Variants in ATG10 observed in about 807,000 individuals in gnomAD.
ATG10 encodes the protein ubiquitin-like-conjugating enzyme ATG10.
ATG10 carries 30 observed loss-of-function variants against 32.1 expected under a neutral mutation model. The observed-to-expected ratio is 0.94, with a 90% confidence interval of 0.70 to 1.27. The LOEUF (loss-of-function observed/expected upper bound fraction) is 1.27. ATG10 is among the 50% of genes most tolerant of loss of function. The pLI, the probability that ATG10 is intolerant of heterozygous loss-of-function variation, is 0.00. For synonymous variants in ATG10, 87 were observed against 91.5 expected, an observed-to-expected ratio of 0.95 and a Z score of 0.28; for missense variants, 233 against 262.3, an observed-to-expected ratio of 0.89 and a Z score of 0.77.
intron 2 of ATG10, among the ~76,000 whole-genome samples, chr5:82,018,515 C>T (rs1026739627): frequency 6.6e-6 from 1 of 152,168 alleles, no homozygotes; most frequent in Non-Finnish European, 1.5e-5. Flanking sequence ...TTACAATACA[C>T]CATAAACTGT....
chr5:82,252,224 C>T (rs956973092), intron 5 of ATG10, among the ~76,000 whole-genome samples: 2 of 152,092 alleles, frequency 1.3e-5, no homozygotes, highest in African/African-American at 4.8e-5. Flanking sequence ...TGTGAACATC[C>T]TTGAAGAAAA....
intron 1 of ATG10, among the ~76,000 whole-genome samples, chr5:81,980,707 T>C (rs1761015243): frequency 6.6e-6 from 1 of 152,050 alleles, no homozygotes; most frequent in African/African-American, 2.4e-5. Flanking sequence ...TGAGAGCTCA[T>C]TCTGTTCCTG....
intron 3 of ATG10, among the ~76,000 whole-genome samples, chr5:82,113,511 T>C (rs1027900701): frequency 6.6e-6 from 1 of 152,008 alleles, no homozygotes; most frequent in Non-Finnish European, 1.5e-5. Flanking sequence ...ATTTATGTGA[T>C]GCAGTTCACA....
intron 2 of ATG10, among the ~76,000 whole-genome samples, chr5:82,026,110 A>G (rs899573371): frequency 2.6e-5 from 4 of 152,196 alleles, no homozygotes; most frequent in African/African-American, 9.6e-5. Context: ...TTCCCCACTG[A>G]AACTTTGTAC....
At chr5:82,063,445 AG>A (rs1469202195) in intron 3 of ATG10, among the ~76,000 whole-genome samples, 1 of 152,170 alleles carries the variant, frequency 6.6e-6, no homozygotes, top group Non-Finnish European at 1.5e-5. Context: ...TAATTAGATA[AG>A]GAACAGCCAT....
chr5:82,000,400 C>T (rs145907575), intron 2 of ATG10, among the ~76,000 whole-genome samples: 2 of 152,244 alleles, frequency 1.3e-5, no homozygotes, highest in African/African-American at 4.8e-5. Context: ...CCCTTAAAAA[C>T]CAGAACAAGG....
chr5:82,039,075 G>A (rs1298493826), intron 2 of ATG10, among the ~76,000 whole-genome samples: 1 of 152,126 alleles, frequency 6.6e-6, no homozygotes, highest in Non-Finnish European at 1.5e-5. Flanking sequence ...TGAACTCCTG[G>A]CCTCAAGCAG....
chr5:81,983,636 G>T (rs1304743142), intron 1 of ATG10, among the ~76,000 whole-genome samples: 2 of 151,276 alleles, frequency 1.3e-5, no homozygotes, highest in African/African-American at 2.4e-5. Flanking sequence ...GGCCGGGCGG[G>T]GGGGCTGACC....
At chr5:82,156,692 C>G (rs759241259) in intron 3 of ATG10, among the ~76,000 whole-genome samples, 2 of 152,146 alleles carry the variant, frequency 1.3e-5, no homozygotes, top group Non-Finnish European at 2.9e-5. Flanking sequence ...ACTTCTGAAG[C>G]TTGATAATTT....
At chr5:82,052,144 T>C (rs1044486907) in intron 2 of ATG10, among the ~76,000 whole-genome samples, 1 of 152,156 alleles carries the variant, frequency 6.6e-6, no homozygotes, top group Non-Finnish European at 1.5e-5. Flanking sequence ...TTAACTTGAG[T>C]TGAAGTCGTA....
chr5:82,190,497 G>A (rs548382560), intron 5 of ATG10, among the ~76,000 whole-genome samples: 1 of 151,890 alleles, frequency 6.6e-6, no homozygotes, highest in Non-Finnish European at 1.5e-5. Flanking sequence ...TTCCGACCAG[G>A]CATGGTGGCT....
At chr5:81,981,635 G>A (rs1320184575) in intron 1 of ATG10, among the ~76,000 whole-genome samples, 2 of 152,156 alleles carry the variant, frequency 1.3e-5, no homozygotes, top group South Asian at 2.1e-4. Context: ...TGTATGCATC[G>A]CATGTTCTGT....
At chr5:82,045,567 T>G (rs375498199) in intron 2 of ATG10, among the ~76,000 whole-genome samples, 2 of 152,130 alleles carry the variant, frequency 1.3e-5, no homozygotes, top group African/African-American at 4.8e-5. Flanking sequence ...CTTTTCTCCT[T>G]TTTCTGAGAC....
intron 3 of ATG10, among the ~76,000 whole-genome samples, chr5:82,152,166 A>G (rs1489714114): frequency 6.6e-6 from 1 of 152,260 alleles, no homozygotes; most frequent in African/African-American, 2.4e-5. Flanking sequence ...TTTTCTGAAT[A>G]GATTTACATA....
intron 4 of ATG10, among the ~76,000 whole-genome samples, chr5:82,168,067 C>T (rs1743651044): frequency 1.3e-5 from 2 of 151,748 alleles, no homozygotes; most frequent in African/African-American, 4.9e-5. Flanking sequence ...CAAGTGCATG[C>T]TGTTTTTTTT....
chr5:82,249,137 A>C (rs982132424), intron 5 of ATG10, among the ~76,000 whole-genome samples: 1 of 152,180 alleles, frequency 6.6e-6, no homozygotes, highest in African/African-American at 2.4e-5. Context: ...AATGAATATT[A>C]AAATGTTGTA....
chr5:82,219,441 G>A (rs552443722), intron 5 of ATG10, among the ~76,000 whole-genome samples: 1 of 152,296 alleles, frequency 6.6e-6, no homozygotes, highest in South Asian at 2.1e-4. Context: ...GGCACTGACT[G>A]TTTACTAGGT....
Position 82,046,690 on chromosome 5 carries a change from C to A in ATG10, c.109-11805C>A, listed in dbSNP as rs906571162. 2.0e-5 allele frequency among the ~76,000 whole-genome samples: 3 copies of A among 152,274 alleles called. No individual in the cohort carries two copies. The South Asian group carries it at 6.2e-4, about 32-fold the overall frequency. ...AAACTGCTTAAGCTCAGGTATCCTTCATTTCACTAAAAACTGGGAAAGTTA... is the reference window on the plus strand; with the variant it reads ...AAACTGCTTAAGCTCAGGTATCCTTAATTTCACTAAAAACTGGGAAAGTTA... On this transcript the variant is annotated intron_variant, in intron 2 of 7. Coordinates refer to ENST00000282185, the MANE Select transcript of ATG10 (RefSeq NM_031482.5).
intron 5 of ATG10, among the ~76,000 whole-genome samples, chr5:82,200,225 T>C (rs1422969131): frequency 6.6e-6 from 1 of 152,114 alleles, no homozygotes; most frequent in Non-Finnish European, 1.5e-5. Flanking sequence ...TTGGAAGCAT[T>C]TTATACTCCC....
Sources: gnomAD v4.1 joint callset for allele counts (sites outside exome capture counted in the v4.1 genomes callset) on GRCh38, gnomAD v4.1.1 for gene constraint, MANE v1.5 for transcripts, NCBI Gene and HGNC (gene_info 2026-07-23, HGNC 2026-07-21) for gene names.